ENPP1: variants seen among roughly 807,000 people sequenced by gnomAD.
ENPP1 encodes the protein ectonucleotide pyrophosphatase/phosphodiesterase family member 1.
A neutral mutation model predicts 122.8 loss-of-function variants in ENPP1; 73 were observed. The observed-to-expected ratio is 0.59, with a 90% CI of 0.49 to 0.72. The LOEUF (loss-of-function observed/expected upper bound fraction) is 0.72. Ranked by LOEUF, ENPP1 falls within the 30% of genes least tolerant of loss-of-function variation. The pLI is 0.00. For missense variants in ENPP1, 978 were observed against 1,128.1 expected, an observed-to-expected ratio of 0.87 and a Z score of 1.91; for synonymous variants, 367 against 391.6, an observed-to-expected ratio of 0.94 and a Z score of 0.74.
Position 131,894,040 on chromosome 6 carries a change from G to A in ENPP1, c.*3529G>A, listed in dbSNP as rs58645335. ...AAGATCTTGGCTCACTGCAAGCTCC[G>A]CCTCCCAGGTTCACGCCATTCTCCT... On this transcript the variant is annotated 3_prime_UTR_variant, in exon 25 of 25. Transcript: ENST00000647893. The A allele has an allele frequency of 0.014, 1,642 of 117,340 alleles. 40 individuals carry two copies. The highest frequency in any genetic ancestry group is 0.05 in the African/African-American group (1,543 of 30,708). The allele number at this position is 117,340 out of a possible 1,614,324, so 7.3% of individuals were successfully genotyped here. A position where few individuals can be genotyped will look rare whatever the true frequency, so the allele number is the denominator to read the frequency against.
rs76619012 is a variant in ENPP1 at position 131,881,337 on chromosome 6, A to G, written c.2101-1008A>G. ...ACTTAAAAAAATTTTTGACTTTGTA[A>G]TTGATCAGTCTACACCATTTTTCAT... On this transcript the variant is annotated intron_variant, in intron 20 of 24. Transcript: ENST00000647893. 1.9e-3 allele frequency among the ~76,000 whole-genome samples: 294 copies of G among 152,190 alleles called. 2 individuals are homozygous for G. The highest frequency in any genetic ancestry group is 6.7e-3 in the African/African-American group (278 of 41,510).
At chr6:131,815,163 A>G (rs148974775) in intron 1 of ENPP1, among the ~76,000 whole-genome samples, 3 of 152,336 alleles carry the variant, frequency 2.0e-5, no homozygotes, top group African/African-American at 7.2e-5. Context: ...GAAGGTGCCT[A>G]AGAAGAAGGC....
At chr6:131,832,809 T>A (rs951323254) in intron 1 of ENPP1, among the ~76,000 whole-genome samples, 3 of 152,214 alleles carry the variant, frequency 2.0e-5, no homozygotes, top group African/African-American at 7.2e-5. Flanking sequence ...TGGTTGGGAT[T>A]CCTCATAGCA....
chr6:131,880,156 C>T, intron 20 of ENPP1, 122 bp downstream of exon 20: 1 of 1,011,012 alleles, frequency 9.9e-7, no homozygotes, highest in South Asian at 1.3e-5. Context: ...TAGAGGAACA[C>T]TGAAGAGGGA....
chr6:131,850,590 A>G (rs1166555492), intron 3 of ENPP1, among the ~76,000 whole-genome samples: 1 of 152,214 alleles, frequency 6.6e-6, no homozygotes, highest in Admixed American at 6.5e-5. Flanking sequence ...TTTTTTAAAG[A>G]CAGGGACTTG....
chr6:131,844,766 T>C (rs1245364168), intron 1 of ENPP1, among the ~76,000 whole-genome samples: 1 of 151,210 alleles, frequency 6.6e-6, no homozygotes, highest in African/African-American at 2.4e-5. Flanking sequence ...ATGAGGAGAG[T>C]GGTTGTGAGA....
intron 1 of ENPP1, among the ~76,000 whole-genome samples, chr6:131,821,872 G>T (rs952383886): frequency 1.3e-5 from 2 of 152,158 alleles, no homozygotes; most frequent in African/African-American, 4.8e-5. Context: ...CGCTTTTTCA[G>T]GTGATGTAAA....
At position 131,895,104 on chromosome 6, in the gene ENPP1, A is replaced by AT. The variant is rs1193549221; in HGVS notation, c.*4595dup. The stretch of plus-strand genomic sequence containing the variant: ...AGAGAAGAAAAGTGTACGGAATATA[A>AT]TTGTCTCTAAGCTAAGAAATGTGGA... On this transcript the variant is annotated 3_prime_UTR_variant, in exon 25 of 25. Transcript: ENST00000647893. 1 of 152,230 alleles carries AT rather than the reference A, an allele frequency of 6.6e-6. No homozygotes were observed. Among genetic ancestry groups the AT allele is most frequent in the Non-Finnish European group, 1.5e-5 (1 of 68,036 alleles). The allele number at this position is 152,230 out of a possible 1,614,324, so 9.4% of individuals were successfully genotyped here.
intron 1 of ENPP1, among the ~76,000 whole-genome samples, chr6:131,830,734 A>T (rs1781600315): frequency 6.6e-6 from 1 of 152,210 alleles, no homozygotes; most frequent in South Asian, 2.1e-4. Context: ...ATGCAAAAAG[A>T]TGAAACAAAA....
intron 18 of ENPP1, chr6:131,877,825 C>G (rs1246851930): frequency 1.3e-5 from 1 of 77,780 alleles, no homozygotes; most frequent in Non-Finnish European, 2.3e-5. Context: ...GGCAACAGGG[C>G]AAGACCCTTT....
rs564304453 is a variant in ENPP1 at position 131,893,949 on chromosome 6, C to CTTTTTTTTTTTTTTTTT, written c.*3452_*3468dup. On this transcript the variant is annotated 3_prime_UTR_variant, in exon 25 of 25. Coordinates refer to ENST00000647893, the MANE Select transcript of ENPP1 (RefSeq NM_006208.3). ...GTGAAACCTTTATTTATCTTGATTT[C>CTTTTTTTTTTTTTTTTT]TTTTTTTTTTTTTTTTTTTTTTTTT... 1.8e-3 allele frequency: 106 copies of CTTTTTTTTTTTTTTTTT among 59,522 alleles called. 3 individuals carry two copies. The highest frequency in any genetic ancestry group is 0.015 in the Middle Eastern group (1 of 68). 3.7% of individuals were successfully genotyped at this position (59,522 alleles called of 1,614,324 possible).
At chr6:131,857,772 C>T (rs915840733) in intron 6 of ENPP1, among the ~76,000 whole-genome samples, 20 of 152,260 alleles carry the variant, frequency 1.3e-4, no homozygotes, top group Non-Finnish European at 2.4e-4. Flanking sequence ...GCACAATGTG[C>T]ACATGTACCC....
At chr6:131,857,679 T>A (rs1338293139) in intron 6 of ENPP1, among the ~76,000 whole-genome samples, 2 of 152,186 alleles carry the variant, frequency 1.3e-5, no homozygotes, top group African/African-American at 4.8e-5. Context: ...AGCGATAGCA[T>A]TGGGAGATAT....
At chr6:131,869,854 T>TCA (rs1782138865) in intron 13 of ENPP1, among the ~76,000 whole-genome samples, 2 of 99,050 alleles carry the variant, frequency 2.0e-5, no homozygotes, top group Non-Finnish European at 4.1e-5. Flanking sequence ...AGACTTGGTC[T>TCA]AAAAAAAAAA....
intron 19 of ENPP1, among the ~76,000 whole-genome samples, chr6:131,879,060 A>T (rs1782269242): frequency 6.6e-6 from 1 of 152,206 alleles, no homozygotes; most frequent in Non-Finnish European, 1.5e-5. Context: ...TTATGACTTG[A>T]ATGTTTGGAG....
At chr6:131,828,293 G>T in intron 1 of ENPP1, 1 of 530,264 alleles carries the variant, frequency 1.9e-6, no homozygotes, top group Non-Finnish European at 3.7e-6. Flanking sequence ...GAGAGCTCCA[G>T]CCAGCATGTC....
At chr6:131,851,340 T>C (rs1781879092) in intron 4 of ENPP1, 73 bp downstream of exon 4, 2 of 1,595,324 alleles carry the variant, frequency 1.3e-6, no homozygotes, top group Non-Finnish European at 1.7e-6. Flanking sequence ...ATAGGTGTTA[T>C]CTTTTATATT....
chr6:131,882,031 TAATAAATA>T (rs10595693), intron 20 of ENPP1, among the ~76,000 whole-genome samples: 18 of 144,514 alleles, frequency 1.2e-4, no homozygotes, highest in African/African-American at 2.8e-4. Context: ...AAAATAATAA[TAATAAATA>T]AATAAATAAA....
chr6:131,810,082 G>T (rs111918598), intron 1 of ENPP1, among the ~76,000 whole-genome samples: 28 of 152,282 alleles, frequency 1.8e-4, no homozygotes, highest in African/African-American at 6.7e-4. Flanking sequence ...AAATAGACCT[G>T]GTGCGGTGAC....
Sources: allele counts gnomAD v4.1 joint callset (sites outside exome capture counted in the v4.1 genomes callset), GRCh38; gene constraint gnomAD v4.1.1; transcripts MANE v1.5; gene names NCBI Gene and HGNC (gene_info 2026-07-23, HGNC 2026-07-21).